Variants in NFIB observed in about 807,000 individuals in gnomAD.
NFIB encodes nuclear factor 1 B-type.
Under a neutral mutation model 61.5 loss-of-function variants are expected in NFIB, and 11 were observed. That is an observed-to-expected ratio of 0.18 (90% confidence interval 0.11 to 0.30). NFIB has a LOEUF of 0.30. NFIB is among the 10% of genes least tolerant of loss of function. NFIB has a pLI of 1.00. For synonymous variants in NFIB, 260 were observed against 216.5 expected (o/e 1.20, Z -1.76); for missense variants, 471 against 608.9 (o/e 0.77, Z 2.38).
chr9:14,345,666 G>A (rs1282281108), intron 1 of NFIB, among the ~76,000 whole-genome samples: 4 of 152,122 alleles, frequency 2.6e-5, no homozygotes, highest in African/African-American at 2.4e-5. Flanking sequence ...TGCGGGTTTG[G>A]GGGTGCTTCT....
chr9:14,509,412 A>T, the NFIB span, among the ~76,000 whole-genome samples: 294 of 152,322 alleles, frequency 1.9e-3, 3 homozygotes, highest in African/African-American at 6.8e-3. Context: ...ATTCCTTGCT[A>T]CTGCTAAATT....
At chr9:14,467,240 A>C in the NFIB span, among the ~76,000 whole-genome samples, 1 of 152,166 alleles carries the variant, frequency 6.6e-6, no homozygotes, top group East Asian at 1.9e-4. Context: ...TTCCGTGCTA[A>C]AGAGAACTGG....
the NFIB span, among the ~76,000 whole-genome samples, chr9:14,431,313 C>T: frequency 6.6e-6 from 1 of 152,104 alleles, no homozygotes; most frequent in East Asian, 1.9e-4. Context: ...TCAGTAGATC[C>T]TGACTCTTCT....
chr9:14,124,062 T>C (rs1397931761), intron 7 of NFIB, among the ~76,000 whole-genome samples: 1 of 152,186 alleles, frequency 6.6e-6, no homozygotes, highest in Non-Finnish European at 1.5e-5. Context: ...TATCCTGAAC[T>C]CTTTAAGGAC....
At chr9:14,245,246 G>A (rs2054783365) in intron 2 of NFIB, among the ~76,000 whole-genome samples, 1 of 152,116 alleles carries the variant, frequency 6.6e-6, no homozygotes, top group African/African-American at 2.4e-5. Context: ...GACGAAATTA[G>A]AAACATCACA....
intron 2 of NFIB, among the ~76,000 whole-genome samples, chr9:14,233,421 C>CT (rs766595252): frequency 0.017 from 1,906 of 109,088 alleles, 39 homozygotes; most frequent in East Asian, 0.043. Flanking sequence ...TGCTATTATT[C>CT]TTTTTTTTTT....
chr9:14,188,588 G>A (rs1054325571), intron 2 of NFIB, among the ~76,000 whole-genome samples: 1 of 152,220 alleles, frequency 6.6e-6, no homozygotes, highest in African/African-American at 2.4e-5. Context: ...GAAGAGGGTT[G>A]TAAGATTTAT....
At chr9:14,347,793 G>A (rs1413910628) in intron 1 of NFIB, among the ~76,000 whole-genome samples, 1 of 152,130 alleles carries the variant, frequency 6.6e-6, no homozygotes, top group Non-Finnish European at 1.5e-5. Context: ...ACCCGGCGAC[G>A]GCTCAGGGCG....
At chr9:14,229,562 T>C (rs1487735535) in intron 2 of NFIB, among the ~76,000 whole-genome samples, 1 of 152,138 alleles carries the variant, frequency 6.6e-6, no homozygotes, top group Non-Finnish European at 1.5e-5. Context: ...TTGTGGCACA[T>C]AAAAAAATCT....
intron 2 of NFIB, among the ~76,000 whole-genome samples, chr9:14,304,762 T>G (rs2059931402): frequency 7.2e-5 from 11 of 152,232 alleles, no homozygotes; most frequent in Admixed American, 7.2e-4. Context: ...ACTCGCGATA[T>G]GCAGCCCTCT....
chr9:14,442,500 G>A, the NFIB span, among the ~76,000 whole-genome samples: 2 of 152,134 alleles, frequency 1.3e-5, no homozygotes, highest in Admixed American at 6.5e-5. Flanking sequence ...AGCAGAGACC[G>A]ATCGCCTCAC....
At chr9:14,258,851 G>T (rs1175867172) in intron 2 of NFIB, among the ~76,000 whole-genome samples, 1 of 152,112 alleles carries the variant, frequency 6.6e-6, no homozygotes, top group East Asian at 1.9e-4. Context: ...CAACACACTT[G>T]CTCAACTTGA....
chr9:14,196,709 A>C (rs1488988108), intron 2 of NFIB, among the ~76,000 whole-genome samples: 2 of 149,766 alleles, frequency 1.3e-5, no homozygotes, highest in African/African-American at 4.9e-5. Context: ...AAAAAAACAG[A>C]GCCTAAGTTC....
the NFIB span, among the ~76,000 whole-genome samples, chr9:14,489,607 C>T: frequency 1.3e-5 from 2 of 152,154 alleles, no homozygotes. Context: ...TTCCAGGCTA[C>T]TAGCCTCCTG....
At chr9:14,198,522 G>GT (rs997951497) in intron 2 of NFIB, among the ~76,000 whole-genome samples, 35 of 152,232 alleles carry the variant, frequency 2.3e-4, no homozygotes, top group African/African-American at 8.4e-4. Flanking sequence ...ACAGCTTGCC[G>GT]TATCATGACA....
intron 2 of NFIB, among the ~76,000 whole-genome samples, chr9:14,224,766 C>G (rs1447847593): frequency 6.6e-6 from 1 of 152,184 alleles, no homozygotes; most frequent in Admixed American, 6.5e-5. Flanking sequence ...GGTCCTAGAA[C>G]CAATTCCCCC....
In NFIB at chr9:14,139,356, G is replaced by A. The variant is rs796556045; in HGVS notation, c.925+7333C>T. On this transcript the variant is annotated intron_variant, in intron 6 of 10. Transcript: ENST00000380953. ...GGAGTCTAATAACTCAAATGACACTGGCTTTCCAAACTACTTCACAATAAG... is the reference window on the plus strand; with the variant it reads ...GGAGTCTAATAACTCAAATGACACTAGCTTTCCAAACTACTTCACAATAAG... Among the ~76,000 whole-genome samples the A allele has an allele frequency of 2.6e-4, 39 of 152,246 alleles. 1 individual carries two copies. The highest frequency in any genetic ancestry group is 8.9e-4 in the African/African-American group (37 of 41,546).
chr9:14,134,654 G>T (rs2040794714), intron 6 of NFIB, among the ~76,000 whole-genome samples: 1 of 152,136 alleles, frequency 6.6e-6, no homozygotes, highest in Non-Finnish European at 1.5e-5. Context: ...CACTTTGGGA[G>T]GCCGAGGCGG....
chr9:14,093,826 G>A (rs964877435), intron 10 of NFIB, among the ~76,000 whole-genome samples: 1 of 151,978 alleles, frequency 6.6e-6, no homozygotes, highest in African/African-American at 2.4e-5. Context: ...ATTACGTCTT[G>A]TGAAAAAAAT....
Sources: gnomAD v4.1 joint callset for allele counts (sites outside exome capture counted in the v4.1 genomes callset) on GRCh38, gnomAD v4.1.1 for gene constraint, MANE v1.5 for transcripts, NCBI Gene and HGNC (gene_info 2026-07-23, HGNC 2026-07-21) for gene names.